The following ASTN2 variants were observed in gnomAD, a reference collection of about 807,000 sequenced individuals.
The protein encoded by ASTN2 is astrotactin 2, also known as astrotactin-2.
A neutral mutation model predicts 139.8 loss-of-function variants in ASTN2; 54 were observed. The observed-to-expected ratio is 0.39, with a 90% CI of 0.31 to 0.48. ASTN2 has a LOEUF of 0.48. Ranked by LOEUF, ASTN2 falls within the 20% of genes least tolerant of loss-of-function variation. The pLI is 0.95. For synonymous variants in ASTN2, 756 were observed against 719.5 expected, an observed-to-expected ratio of 1.05 and a Z score of -0.81; for missense variants, 1,565 against 1,725.1, an observed-to-expected ratio of 0.91 and a Z score of 1.64.
intron 11 of ASTN2, among the ~76,000 whole-genome samples, chr9:116,861,973 C>CTT (rs56282333): frequency 0.41 from 54,819 of 132,800 alleles, 11,945 homozygotes; most frequent in East Asian, 0.59. Context: ...TTTCCTTCTT[C>CTT]TTTTTTTTTT....
At chr9:116,989,123 G>A (rs912007764) in intron 7 of ASTN2, among the ~76,000 whole-genome samples, 12 of 152,146 alleles carry the variant, frequency 7.9e-5, no homozygotes. Flanking sequence ...CTCCACAGAA[G>A]AGACTCATTG....
chr9:116,432,823 G>A (rs1347004330), intron 22 of ASTN2, among the ~76,000 whole-genome samples: 1 of 152,106 alleles, frequency 6.6e-6, no homozygotes, highest in Non-Finnish European at 1.5e-5. Context: ...CCAGGTACTT[G>A]GGAGGCTGAG....
intron 16 of ASTN2, among the ~76,000 whole-genome samples, chr9:116,724,934 G>A (rs993663662): frequency 2.0e-5 from 3 of 152,176 alleles, no homozygotes; most frequent in African/African-American, 7.2e-5. Context: ...TATTAGCTGT[G>A]TGTCTATGAG....
chr9:117,364,393 G>A (rs533290238), intron 1 of ASTN2, among the ~76,000 whole-genome samples: 2 of 152,182 alleles, frequency 1.3e-5, no homozygotes, highest in Non-Finnish European at 2.9e-5. Flanking sequence ...CAGATGTAAG[G>A]TTAAAGAAAG....
At chr9:117,153,588 G>A (rs1490700305) in intron 3 of ASTN2, among the ~76,000 whole-genome samples, 1 of 152,104 alleles carries the variant, frequency 6.6e-6, no homozygotes, top group African/African-American at 2.4e-5. Context: ...CCTTAGAATA[G>A]CAGAACTGCA....
In ASTN2 at chr9:116,516,358, T is replaced by C. The variant is rs944437707; in HGVS notation, c.3356-28858A>G. Among the ~76,000 whole-genome samples the C allele has an allele frequency of 2.6e-5, 4 of 152,228 alleles. No individual in the cohort carries two copies. The East Asian group carries it at 5.8e-4, about 22-fold the overall frequency. ...CATGTTTGAGAGATCAAAAAGATAC[T>C]ATTATTATTAATGCATCATCATCAT... On this transcript the variant is annotated intron_variant, in intron 19 of 22. Coordinates refer to ENST00000313400, the MANE Select transcript of ASTN2 (RefSeq NM_001365068.1).
intron 10 of ASTN2, among the ~76,000 whole-genome samples, chr9:116,923,217 A>C (rs995592644): frequency 6.6e-6 from 1 of 152,250 alleles, no homozygotes; most frequent in African/African-American, 2.4e-5. Flanking sequence ...GCTCAGCCAG[A>C]AGTCTGGAAG....
chr9:117,171,309 C>T (rs1436785527), intron 3 of ASTN2, among the ~76,000 whole-genome samples: 2 of 152,102 alleles, frequency 1.3e-5, no homozygotes, highest in African/African-American at 4.8e-5. Context: ...AGTAAAGGCT[C>T]CAGAGAAAGC....
At chr9:117,186,771 G>A (rs1370517611) in intron 3 of ASTN2, among the ~76,000 whole-genome samples, 1 of 152,052 alleles carries the variant, frequency 6.6e-6, no homozygotes, top group Non-Finnish European at 1.5e-5. Flanking sequence ...AGACAGCATG[G>A]GACAAAACAG....
intron 16 of ASTN2, among the ~76,000 whole-genome samples, chr9:116,718,602 A>G (rs1828378939): frequency 1.3e-5 from 2 of 152,174 alleles, no homozygotes; most frequent in Non-Finnish European, 2.9e-5. Context: ...CTGACTAAGC[A>G]GATTGTCCTC....
rs112521383 is a variant in ASTN2 at position 116,686,980 on chromosome 9, G to C, written c.2807-35187C>G. ...CAGTAAGGTGCCAACGCTTTGCTGA[G>C]GACTACCCTGGAGGCTACCGTTTTG... On this transcript the variant is annotated intron_variant, in intron 16 of 22. Transcript: ENST00000313400. 1.5e-5 allele frequency: 22 copies of C among 1,449,474 alleles called. No individual in the cohort carries two copies. The African/African-American group carries it at 2.1e-4, about 14-fold the overall frequency. 89.8% of individuals were successfully genotyped at this position (1,449,474 alleles called of 1,614,324 possible). A position where few individuals can be genotyped will look rare whatever the true frequency, so the allele number is the denominator to read the frequency against.
intron 10 of ASTN2, among the ~76,000 whole-genome samples, chr9:116,871,964 G>A (rs1209249986): frequency 6.6e-6 from 1 of 152,044 alleles, no homozygotes; most frequent in Non-Finnish European, 1.5e-5. Context: ...ATGAGACCTT[G>A]GGCAAGCCTC....
At chr9:116,899,299 G>A (rs1340118957) in intron 10 of ASTN2, among the ~76,000 whole-genome samples, 2 of 152,112 alleles carry the variant, frequency 1.3e-5, no homozygotes, top group Non-Finnish European at 2.9e-5. Context: ...GGGCAGACTG[G>A]CCTTTTCCAT....
chr9:117,106,056 T>C (rs988379338), intron 4 of ASTN2, among the ~76,000 whole-genome samples: 1 of 152,148 alleles, frequency 6.6e-6, no homozygotes, highest in South Asian at 2.1e-4. Context: ...TTTGAGTATC[T>C]GAGGTTGGTC....
chr9:117,239,980 A>C (rs2133071233), intron 2 of ASTN2, among the ~76,000 whole-genome samples: 1 of 152,354 alleles, frequency 6.6e-6, no homozygotes, highest in South Asian at 2.1e-4. Context: ...TGGGTGTTAC[A>C]TCTGATAAAC....
chr9:117,246,472 A>T (rs1833386228), intron 2 of ASTN2, among the ~76,000 whole-genome samples: 1 of 152,212 alleles, frequency 6.6e-6, no homozygotes, highest in African/African-American at 2.4e-5. Flanking sequence ...GTACAATGGA[A>T]TGAAAATCTC....
At chr9:117,411,120 C>T (rs140470088) in intron 1 of ASTN2, among the ~76,000 whole-genome samples, 108 of 152,234 alleles carry the variant, frequency 7.1e-4, no homozygotes, top group Middle Eastern at 3.4e-3. Flanking sequence ...CTTTGGATTA[C>T]GCGTTTGACC....
intron 1 of ASTN2, among the ~76,000 whole-genome samples, chr9:117,368,116 C>T (rs531392671): frequency 6.6e-6 from 1 of 152,184 alleles, no homozygotes; most frequent in South Asian, 2.1e-4. Flanking sequence ...AGACTTTAAG[C>T]AGCAACTAAG....
chr9:116,948,789 T>TTTTTTTTTTTTG lies in ASTN2; in HGVS notation c.1889+26418_1889+26419insCAAAAAAAAAAA, dbSNP rs1564355585. 1.8e-4 allele frequency among the ~76,000 whole-genome samples: 19 copies of TTTTTTTTTTTTG among 104,800 alleles called. 1 individual carries two copies. The highest frequency in any genetic ancestry group is 7.7e-4 in the African/African-American group (18 of 23,470). 68.8% of individuals were successfully genotyped at this position (104,800 alleles called of 152,430 possible). A position where few individuals can be genotyped will look rare whatever the true frequency, so the allele number is the denominator to read the frequency against. ...AGAGGAGAGAAATAATTTGGTGTTTTTTTTTTTTTTTTTTTTTTTTTGAGA... is the reference window on the plus strand; with the variant it reads ...AGAGGAGAGAAATAATTTGGTGTTTTTTTTTTTTTTTGTTTTTTTTTTTTTTTTTTTTTGAGA... On this transcript the variant is annotated intron_variant, in intron 10 of 22. Coordinates refer to ENST00000313400, the MANE Select transcript of ASTN2 (RefSeq NM_001365068.1).
Sources: gnomAD v4.1 joint callset for allele counts (sites outside exome capture counted in the v4.1 genomes callset) on GRCh38, gnomAD v4.1.1 for gene constraint, MANE v1.5 for transcripts, NCBI Gene and HGNC (gene_info 2026-07-23, HGNC 2026-07-21) for gene names.